The following SLC35F6 variants were observed in gnomAD, a reference collection of about 807,000 sequenced individuals.
The protein encoded by SLC35F6 is solute carrier family 35 member F6, also known as ANT2-binding protein.
In SLC35F6, 26 loss-of-function variants were observed where a neutral mutation model predicts 29.4. The ratio of observed to expected loss-of-function variants is 0.89; its 90% CI spans 0.65 to 1.23. The LOEUF is 1.23. Among genes scored for constraint, SLC35F6 ranks in the 50% most tolerant of loss-of-function variants. The pLI is 0.00. For synonymous variants in SLC35F6, 174 were observed against 206.6 expected (o/e 0.84, Z 1.35); for missense variants, 428 against 487.8 (o/e 0.88, Z 1.15).
rs1428326206 is a variant in SLC35F6, at chr2:26,781,184, A to G, written c.*2673A>G. On this transcript the variant is annotated 3_prime_UTR_variant, in exon 6 of 6. Transcript: ENST00000344420. The stretch of plus-strand genomic sequence containing the variant: ...CATTCTCGAATTGCTGTAAAGAAAT[A>G]CCTGAGACTGGGTAATTTAATTTAT... 1 of 152,200 alleles carries G rather than the reference A, an allele frequency of 6.6e-6. No homozygotes were observed. The highest frequency in any genetic ancestry group is 6.5e-5 in the Admixed American group (1 of 15,272). The allele number at this position is 152,200 out of a possible 1,614,324, so 9.4% of individuals were successfully genotyped here.
intron 1 of SLC35F6, among the ~76,000 whole-genome samples, chr2:26,770,717 C>CA (rs571506730): frequency 0.015 from 2,129 of 143,028 alleles, 23 homozygotes; most frequent in Middle Eastern, 0.029. Context: ...GGCTCCGTTT[C>CA]AAAAAAAAAA....
Position 26,775,841 on chromosome 2 carries a change from T to A in SLC35F6, c.535+165T>A, listed in dbSNP as rs1232614091. On this transcript the variant is annotated intron_variant, in intron 4 of 5. Transcript: ENST00000344420. This position sits in a 1 kb window ranked among gnomAD's most constrained non-coding sequence, Gnocchi z 4.6. ...GAATGTAGGGAAGACTGCAAAGGGA[T>A]GTGGCTCCACCAAGGATGAGTGGCA... 2.0e-5 allele frequency among the ~76,000 whole-genome samples: 3 copies of A among 152,144 alleles called. No individual in the cohort carries two copies. The highest frequency in any genetic ancestry group is 4.4e-5 in the Non-Finnish European group (3 of 68,022).
In SLC35F6 at chr2:26,778,428, T is replaced by A. The variant is rs767928386; in HGVS notation, c.1033T>A (p.Ser345Thr). The change falls in exon 6 of 6, where the codon TCC becomes ACC. Residue 345 changes from serine (S) to threonine (T), a missense_variant. Transcript: ENST00000344420. ...GLHRPLLGRL[S>T]RGRPLAEESE... ...ACACCGTCCGCTGCTGGGCCGCCTG[T>A]CCAGGGGCCGGCCCCTGGCAGAGGA... 1.2e-6 allele frequency: 2 copies of A among 1,614,032 alleles called. No homozygotes were observed. Among genetic ancestry groups the A allele is most frequent in the Non-Finnish European group, 1.7e-6 (2 of 1,179,982 alleles).
At chr2:26,764,456 C>A in intron 1 of SLC35F6, 30 bp downstream of exon 1, 1 of 1,549,918 alleles carries the variant, frequency 6.5e-7, no homozygotes, top group Non-Finnish European at 8.7e-7. Flanking sequence ...GGCGTGCGGG[C>A]CCTGGCGACC....
At chr2:26,773,503 GA>G (rs70953813) in intron 1 of SLC35F6, among the ~76,000 whole-genome samples, 119 of 106,956 alleles carry the variant, frequency 1.1e-3, no homozygotes, top group East Asian at 1.7e-3. Flanking sequence ...ACTCCATTAA[GA>G]AAAAAAAAAA....
At chr2:26,773,785 G>A (rs1010830272) in intron 1 of SLC35F6, among the ~76,000 whole-genome samples, 9 of 151,870 alleles carry the variant, frequency 5.9e-5, no homozygotes, top group South Asian at 2.1e-4. Context: ...GCTAATTTTT[G>A]TATTTTTAGT....
Position 26,775,819 on chromosome 2 carries a change from T to A in SLC35F6, c.535+143T>A. On this transcript the variant is annotated intron_variant, in intron 4 of 5. Coordinates refer to ENST00000344420, the MANE Select transcript of SLC35F6 (RefSeq NM_017877.4). This position sits in a 1 kb window ranked among gnomAD's most constrained non-coding sequence, Gnocchi z 4.6. ...GTAGCTCTGGAGGTGATGGATAGAA[T>A]GTAGGGAAGACTGCAAAGGGATGTG... 1.0e-6 allele frequency: 1 copy of A among 980,552 alleles called. No homozygotes were observed. Among genetic ancestry groups the A allele is most frequent in the Admixed American group, 2.9e-5 (1 of 34,764 alleles). The allele number at this position is 980,552 out of a possible 1,614,324, so 60.7% of individuals were successfully genotyped here.
intron 1 of SLC35F6, among the ~76,000 whole-genome samples, chr2:26,770,149 A>G (rs1664168413): frequency 6.6e-6 from 1 of 152,198 alleles, no homozygotes. Flanking sequence ...TCACACCTGT[A>G]ATCCCAGCAC....
rs762171846 is a variant in SLC35F6 at position 26,778,411 on chromosome 2, C to T, written c.1016C>T (p.Pro339Leu). ...GCCCTCTACAATGGGCTACACCGTC[C>T]GCTGCTGGGCCGCCTGTCCAGGGGC... is the stretch of plus-strand genomic sequence containing the variant. Reference protein sequence around the residue: ...GTALYNGLHRPLLGRLSRGRP... With the variant: ...GTALYNGLHRLLLGRLSRGRP... Residue 339 changes from proline to leucine, a missense_variant, in exon 6 of 6, where the codon CCG becomes CTG. Pro to Leu is a moderately conservative substitution (Grantham distance 98, BLOSUM62 -3). Transcript: ENST00000344420. 12 of 1,614,130 alleles carry T rather than the reference C, an allele frequency of 7.4e-6. No individual in the cohort carries two copies. Among genetic ancestry groups the T allele is most frequent in the Middle Eastern group, 1.6e-4 (1 of 6,062 alleles).
intron 1 of SLC35F6, among the ~76,000 whole-genome samples, chr2:26,767,360 G>T (rs1664112831): frequency 1.3e-5 from 2 of 152,334 alleles, no homozygotes; most frequent in Admixed American, 6.5e-5. Context: ...GACAGCCTGT[G>T]GTTGTCTCTG....
chr2:26,772,554 C>T (rs911114720), intron 1 of SLC35F6, among the ~76,000 whole-genome samples: 3 of 152,124 alleles, frequency 2.0e-5, no homozygotes, highest in Non-Finnish European at 2.9e-5. Flanking sequence ...AGGGTGTCAA[C>T]ATGAGGGAGG....
In SLC35F6 at chr2:26,772,773, C is replaced by T. The variant is rs537931787; in HGVS notation, c.78-1478C>T. Among the ~76,000 whole-genome samples the T allele has an allele frequency of 1.9e-3, 292 of 152,310 alleles. 1 individual carries two copies. Among genetic ancestry groups the T allele is most frequent in the Non-Finnish European group, 3.3e-3 (222 of 68,032 alleles). On this transcript the variant is annotated intron_variant, in intron 1 of 5. Transcript: ENST00000344420. The stretch of plus-strand genomic sequence containing the variant: ...TTCAAATGAAAGATTAGACAAGATT[C>T]CACAGACCTAACCAAGCCCAGCAAA...
In SLC35F6 at chr2:26,778,762, C is replaced by A. The variant is rs955069095; in HGVS notation, c.*251C>A. On this transcript the variant is annotated 3_prime_UTR_variant, in exon 6 of 6. Transcript: ENST00000344420. The stretch of plus-strand genomic sequence containing the variant: ...GTGGCAGACCTCAGCTCTCTGGACC[C>A]CTCCTACAGCACTAGAGCTAAATCA... 6 of 492,994 alleles carry A rather than the reference C, an allele frequency of 1.2e-5. No homozygotes were observed. In the South Asian group the frequency reaches 2.2e-4, roughly 18 times the overall value. 30.5% of individuals were successfully genotyped at this position (492,994 alleles called of 1,614,324 possible).
At chr2:26,774,828 C>T (rs1664267275) in intron 2 of SLC35F6, among the ~76,000 whole-genome samples, 1 of 152,140 alleles carries the variant, frequency 6.6e-6, no homozygotes, top group Non-Finnish European at 1.5e-5. Flanking sequence ...AGACAGGGCT[C>T]TGCACAGCCT....
intron 1 of SLC35F6, among the ~76,000 whole-genome samples, chr2:26,769,855 A>G (rs1464489203): frequency 6.6e-6 from 1 of 152,220 alleles, no homozygotes; most frequent in African/African-American, 2.4e-5. Context: ...GCCATGTGCC[A>G]GGTCATGTAT....
intron 1 of SLC35F6, chr2:26,765,001 T>C (rs1182865170): frequency 1.0e-6 from 1 of 985,336 alleles, no homozygotes; most frequent in East Asian, 1.1e-4. Flanking sequence ...ATGCCCAGGT[T>C]AGATTTTCTC....
Position 26,778,725 on chromosome 2 carries a change from AGCCTGAGTGCAGTG to A in SLC35F6, c.*217_*230del, listed in dbSNP as rs1664353714. 1 of 564,312 alleles carries A rather than the reference AGCCTGAGTGCAGTG, an allele frequency of 1.8e-6. No individual in the cohort carries two copies. The highest frequency in any genetic ancestry group is 2.6e-5 in the South Asian group (1 of 38,270). 35.0% of individuals were successfully genotyped at this position (564,312 alleles called of 1,614,324 possible). On this transcript the variant is annotated 3_prime_UTR_variant, in exon 6 of 6. Transcript: ENST00000344420. Reference sequence around the variant, plus strand: ...AGGGTGGTGTTACCCAGCCCCCACAAGCCTGAGTGCAGTGGCAGACCTCAGCTCTCTGGACCCCT... The same window carrying A: ...AGGGTGGTGTTACCCAGCCCCCACAAGCAGACCTCAGCTCTCTGGACCCCT...
At chr2:26,770,606 T>G (rs1041897019) in intron 1 of SLC35F6, among the ~76,000 whole-genome samples, 2 of 151,904 alleles carry the variant, frequency 1.3e-5, no homozygotes, top group Non-Finnish European at 2.9e-5. Context: ...TAATCCCAGC[T>G]ACTTGGGAGG....
chr2:26,769,171 C>T (rs140377711), intron 1 of SLC35F6, among the ~76,000 whole-genome samples: 37 of 152,368 alleles, frequency 2.4e-4, no homozygotes, highest in African/African-American at 8.2e-4. Flanking sequence ...CCAGCCCCAT[C>T]GCCACTTCCT....
Sources: gnomAD v4.1 joint callset for allele counts (sites outside exome capture counted in the v4.1 genomes callset) on GRCh38, gnomAD v4.1.1 for gene constraint, Gnocchi (gnomAD v3.1) non-coding constraint, MANE v1.5 for transcripts, NCBI Gene and HGNC (gene_info 2026-07-23, HGNC 2026-07-21) for gene names.